TFAP2B: variants seen among roughly 807,000 people sequenced by gnomAD.
TFAP2B encodes the protein transcription factor AP-2 beta, also known as transcription factor AP-2-beta.
In TFAP2B, 9 loss-of-function variants were observed where a neutral mutation model predicts 44.3. The observed-to-expected ratio is 0.20, with a 90% CI of 0.12 to 0.35. The LOEUF is 0.35. Among genes scored for constraint, TFAP2B ranks in the 10% least tolerant of loss-of-function variants. The pLI is 1.00. For missense variants in TFAP2B, 509 were observed against 600.0 expected (o/e 0.85, Z 1.59); for synonymous variants, 270 against 263.8 (o/e 1.02, Z -0.23).
intron 3 of TFAP2B, among the ~76,000 whole-genome samples, chr6:50,833,564 A>T (rs1236475431): frequency 1.3e-5 from 2 of 151,440 alleles, no homozygotes; most frequent in Non-Finnish European, 2.9e-5. Context: ...CTTCCCAGAG[A>T]GGGCAGTGTA....
intron 2 of TFAP2B, among the ~76,000 whole-genome samples, chr6:50,826,137 C>T (rs1171460478): frequency 6.6e-6 from 1 of 152,186 alleles, no homozygotes; most frequent in Non-Finnish European, 1.5e-5. Context: ...GGGATTTCAA[C>T]GCTCTCCCTA....
At position 50,843,213 on chromosome 6, in the gene TFAP2B, A is replaced by G; in HGVS notation, c.1204A>G (p.Thr402Ala). 1 of 1,614,170 alleles carries G rather than the reference A, an allele frequency of 6.2e-7. No individual in the cohort carries two copies. The highest frequency in any genetic ancestry group is 8.5e-7 in the Non-Finnish European group (1 of 1,180,030). The change falls in exon 7 of 7, where the codon ACG (threonine) becomes GCG (alanine). Residue 402 changes from threonine to alanine, a missense_variant. Transcript: ENST00000393655. ...CTGCCTCACGCACTTCAGCCTCATCACGCACGGCTTCGGCGCCCCGGCCAT... is the reference window on the plus strand; with the variant it reads ...CTGCCTCACGCACTTCAGCCTCATCGCGCACGGCTTCGGCGCCCCGGCCAT... ...QSCLTHFSLI[T>A]HGFGAPAICA...
At chr6:50,826,338 A>T (rs926897230) in intron 2 of TFAP2B, among the ~76,000 whole-genome samples, 1 of 152,072 alleles carries the variant, frequency 6.6e-6, no homozygotes, top group Non-Finnish European at 1.5e-5. Context: ...TGCCCTGCCT[A>T]TGGGTCGAGG....
chr6:50,846,632 C>A lies in TFAP2B; in HGVS notation c.*3240C>A, dbSNP rs1423858756. On this transcript the variant is annotated 3_prime_UTR_variant, in exon 7 of 7. Transcript: ENST00000393655. ...AGGTTCCAAAGATCTCCAGACCATTCTCTGCCAAACCCTGCCGCCTCCTGC... is the reference window on the plus strand; with the variant it reads ...AGGTTCCAAAGATCTCCAGACCATTATCTGCCAAACCCTGCCGCCTCCTGC... 6.6e-6 allele frequency: 1 copy of A among 152,242 alleles called. No individual in the cohort carries two copies. Among genetic ancestry groups the A allele is most frequent in the Admixed American group, 6.5e-5 (1 of 15,294 alleles). The allele number at this position is 152,242 out of a possible 1,614,324, so 9.4% of individuals were successfully genotyped here.
chr6:50,840,759 G>A (rs76631681), intron 6 of TFAP2B, among the ~76,000 whole-genome samples: 1,540 of 152,344 alleles, frequency 0.01, 20 homozygotes, highest in African/African-American at 0.035. Flanking sequence ...ATCTTCCACA[G>A]ACTTGTAAAA....
Position 50,843,328 on chromosome 6 carries a change from G to T in TFAP2B, c.1319G>T (p.Arg440Met). ...TTCTTGAACAACACCACCACTAACA[G>T]GCACACGTCTGGGGAAGGCCCAGGT... Reference protein sequence around the residue: ...KMFLNNTTTNRHTSGEGPGSK... With the variant: ...KMFLNNTTTNMHTSGEGPGSK... The change falls in exon 7 of 7, where the codon AGG (arginine) becomes ATG (methionine). Residue 440 changes from arginine (R) to methionine (M), a missense_variant. Arg to Met is a moderately conservative substitution (Grantham distance 91, BLOSUM62 -1). Around this residue, in one of 3 missense-constraint regions of TFAP2B, gnomAD observed 168 missense variants for 183.2 expected, o/e 0.92. Coordinates refer to ENST00000393655, the MANE Select transcript of TFAP2B (RefSeq NM_003221.4). 1 of 1,614,054 alleles carries T rather than the reference G, an allele frequency of 6.2e-7. No homozygotes were observed. The highest frequency in any genetic ancestry group is 1.1e-5 in the South Asian group (1 of 91,082).
chr6:50,831,036 C>T (rs1417225477), intron 3 of TFAP2B, among the ~76,000 whole-genome samples: 1 of 152,196 alleles, frequency 6.6e-6, no homozygotes, highest in Non-Finnish European at 1.5e-5. Context: ...GTTTATGAAG[C>T]TAGAAGACTT....
At chr6:50,827,069 A>T (rs559804116) in intron 2 of TFAP2B, among the ~76,000 whole-genome samples, 1 of 152,214 alleles carries the variant, frequency 6.6e-6, no homozygotes, top group African/African-American at 2.4e-5. Context: ...CAACTACCCC[A>T]CGTCGCTGAT....
chr6:50,826,566 A>AGCGCGCGCGCGC (rs547861744), intron 2 of TFAP2B, among the ~76,000 whole-genome samples: 3 of 143,926 alleles, frequency 2.1e-5, no homozygotes, highest in Non-Finnish European at 4.5e-5. Flanking sequence ...ATTGTGCATG[A>AGCGCGCGCGCGC]GCGCGCGCGC....
chr6:50,837,735 C>CT (rs965191283), intron 4 of TFAP2B, among the ~76,000 whole-genome samples: 39 of 151,312 alleles, frequency 2.6e-4, no homozygotes, highest in South Asian at 4.2e-4. Context: ...ATCTGGTATC[C>CT]TTTTTTTTTC....
In TFAP2B at chr6:50,825,520, A is replaced by C. The variant is rs369473572; in HGVS notation, c.540+1655A>C. 5.9e-5 allele frequency among the ~76,000 whole-genome samples: 9 copies of C among 152,348 alleles called. No individual in the cohort carries two copies. In the South Asian group the frequency reaches 1.4e-3, roughly 25 times the overall value. ...CCCAAAAGAAGGAGCAGTTTTCTTT[A>C]GTTAAATGTTTTTAAAGAAATAATT... On this transcript the variant is annotated intron_variant, in intron 2 of 6. Coordinates refer to ENST00000393655, the MANE Select transcript of TFAP2B (RefSeq NM_003221.4).
At chr6:50,828,489 A>G in intron 2 of TFAP2B, 130 bp from the exon 3 acceptor site, 1 of 731,536 alleles carries the variant, frequency 1.4e-6, no homozygotes, top group South Asian at 1.9e-5. Flanking sequence ...GGTAATAATA[A>G]TAATAAAACA....
chr6:50,835,890 T>C (rs1490600986), intron 3 of TFAP2B, among the ~76,000 whole-genome samples, 171 bp from the exon 4 acceptor site: 2 of 152,244 alleles, frequency 1.3e-5, no homozygotes, highest in African/African-American at 2.4e-5. Context: ...CTTTGCCATC[T>C]GTTTGTTTAC....
At chr6:50,822,262 T>A in intron 1 of TFAP2B, 1 of 1,048,466 alleles carries the variant, frequency 9.5e-7, no homozygotes, top group Non-Finnish European at 1.3e-6. Context: ...ACTCTCTGTC[T>A]CTCTCTGTCT....
intron 5 of TFAP2B, 86 bp downstream of exon 5, chr6:50,838,179 T>C (rs971125172): frequency 9.2e-7 from 1 of 1,082,664 alleles, no homozygotes; most frequent in Non-Finnish European, 1.4e-6. Flanking sequence ...CATGATTAAC[T>C]GGAAATCGTT....
In TFAP2B at chr6:50,823,734, C is replaced by T. The variant is rs776108144; in HGVS notation, c.409C>T (p.Pro137Ser). The stretch of plus-strand genomic sequence containing the variant: ...CTTGCCCCAGCTCTCGGGCCTTGAC[C>T]CCCGGAGGGACTACCACTCGGTCCG... The part of the protein sequence containing the change: ...AALPQLSGLD[P>S]RRDYHSVRRP... Residue 137 changes from proline to serine, a missense_variant, in exon 2 of 7, where the codon CCC becomes TCC. Coordinates refer to ENST00000393655, the MANE Select transcript of TFAP2B (RefSeq NM_003221.4). 12 of 1,611,506 alleles carry T rather than the reference C, an allele frequency of 7.4e-6. No individual in the cohort carries two copies. Among genetic ancestry groups the T allele is most frequent in the Non-Finnish European group, 6.8e-6 (8 of 1,178,874 alleles).
chr6:50,835,580 G>C (rs1762603278), intron 3 of TFAP2B, among the ~76,000 whole-genome samples: 1 of 152,184 alleles, frequency 6.6e-6, no homozygotes, highest in South Asian at 2.1e-4. Context: ...GGAGGAAGGG[G>C]TTTCCATTGG....
In TFAP2B at chr6:50,838,080, C is replaced by T. The variant is rs1457427639; in HGVS notation, c.927C>T (p.Thr309=). The T allele has an allele frequency of 1.9e-6, 3 of 1,613,770 alleles. No individual in the cohort carries two copies. Among genetic ancestry groups the T allele is most frequent in the African/African-American group, 1.3e-5 (1 of 74,920 alleles). ...AAGCAGCAAATGTCACGTTACTCAC[C>T]TCCCTGGTGGAAGGTAAGCAAGACG... ...RRKAANVTLL[T]SLVEGEAVHL... is the part of the protein sequence containing the mutation. Residue 309 remains threonine (T), a synonymous_variant, in exon 5 of 7, where the codon ACC becomes ACT. Transcript: ENST00000393655.
At position 50,845,193 on chromosome 6, in the gene TFAP2B, G is replaced by A. The variant is rs2817419; in HGVS notation, c.*1801G>A. 110,464 of 152,036 alleles carry A rather than the reference G, an allele frequency of 0.73. 40,121 individuals carry two copies. The highest frequency in any genetic ancestry group is 0.8 in the East Asian group (4,107 of 5,154). The allele number at this position is 152,036 out of a possible 1,614,324, so 9.4% of individuals were successfully genotyped here. ...CACTCACCTATTTAACAAAGTAGAC[G>A]AGATCTTTGCAATACCCCTTAAAGA... On this transcript the variant is annotated 3_prime_UTR_variant, in exon 7 of 7. Coordinates refer to ENST00000393655, the MANE Select transcript of TFAP2B (RefSeq NM_003221.4).
Sources: gnomAD v4.1 joint callset for allele counts (sites outside exome capture counted in the v4.1 genomes callset) on GRCh38, gnomAD v4.1.1 for gene constraint, gnomAD v4.1.1 regional missense constraint, MANE v1.5 for transcripts, NCBI Gene and HGNC (gene_info 2026-07-23, HGNC 2026-07-21) for gene names.